UHRF1: variants seen among roughly 807,000 people sequenced by gnomAD.
The protein encoded by UHRF1 is ubiquitin like with PHD and ring finger domains 1, also known as E3 ubiquitin-protein ligase UHRF1.
UHRF1 carries 9 observed loss-of-function variants against 96.5 expected under a neutral mutation model. That is an observed-to-expected ratio of 0.09 (90% CI 0.06 to 0.16). UHRF1 has a LOEUF of 0.16. UHRF1 is among the 10% of genes least tolerant of loss of function. UHRF1 has a pLI of 1.00. For missense variants in UHRF1, 626 were observed against 1,131.1 expected, an observed-to-expected ratio of 0.55 and a Z score of 6.40; for synonymous variants, 455 against 469.9, an observed-to-expected ratio of 0.97 and a Z score of 0.41.
At chr19:4,928,297 C>T (rs1194303357) in intron 2 of UHRF1, among the ~76,000 whole-genome samples, 1 of 151,470 alleles carries the variant, frequency 6.6e-6, no homozygotes, top group African/African-American at 2.4e-5. Context: ...GAACTTGTTG[C>T]CTTGGGGGCA....
At chr19:4,947,010 G>T in intron 10 of UHRF1, 95 bp from the exon 11 acceptor site, 1 of 947,084 alleles carries the variant, frequency 1.1e-6, no homozygotes. Flanking sequence ...CTGTTTCTTT[G>T]AAAGTAGCCA....
rs756412740 is a variant in UHRF1 at position 4,930,869 on chromosome 19, TACG to T, written c.567_569del (p.Asp190del). 1.9e-6 allele frequency: 3 copies of T among 1,613,856 alleles called. No individual in the cohort carries two copies. The highest frequency in any genetic ancestry group is 2.5e-6 in the Non-Finnish European group (3 of 1,179,842). On this transcript the variant is annotated inframe_deletion, in exon 4 of 17. Transcript: ENST00000650932. This position sits in a 1 kb window ranked among gnomAD's most constrained non-coding sequence, Gnocchi z 4.4. Reference sequence around the variant, plus strand: ...GGAGGACGTCATTTACCACGTGAAATACGACGAGTGAGTCATGGCAGGTGGGCG... The same window carrying T: ...GGAGGACGTCATTTACCACGTGAAATACGAGTGAGTCATGGCAGGTGGGCG...
Position 4,954,607 on chromosome 19 carries a change from T to A in UHRF1, c.1958-43T>A. On this transcript the variant is annotated intron_variant, in intron 14 of 16. Coordinates refer to ENST00000650932, the MANE Select transcript of UHRF1 (RefSeq NM_001048201.3). This position sits in a 1 kb window ranked among gnomAD's most constrained non-coding sequence, Gnocchi z 5.9. ...AGCCGGTGGCTGTCTCTCCGGCAGC[T>A]CGGGCCACGCGCCCCTCCCTCACGC... The A allele has an allele frequency of 8.1e-6, 13 of 1,601,924 alleles. No homozygotes were observed. The highest frequency in any genetic ancestry group is 1.1e-5 in the Non-Finnish European group (13 of 1,173,840).
At chr19:4,916,297 C>T (rs2032497916) in intron 2 of UHRF1, among the ~76,000 whole-genome samples, 1 of 145,438 alleles carries the variant, frequency 6.9e-6, no homozygotes, top group Non-Finnish European at 1.5e-5. Context: ...CAGAGCGAGA[C>T]TTTGTCTCAA....
intron 2 of UHRF1, among the ~76,000 whole-genome samples, chr19:4,918,352 C>G (rs1332496588): frequency 6.6e-6 from 1 of 151,758 alleles, no homozygotes; most frequent in Non-Finnish European, 1.5e-5. Flanking sequence ...AAACTCCTGA[C>G]CTCAGGTGAT....
intron 1 of UHRF1, chr19:4,909,894 G>A (rs1006405800): frequency 3.5e-5 from 13 of 374,054 alleles, no homozygotes; most frequent in African/African-American, 2.5e-4. Flanking sequence ...CGCCGGGTGG[G>A]GGAGGGCCTG....
chr19:4,949,442 T>C (rs180990610), intron 11 of UHRF1, among the ~76,000 whole-genome samples: 6 of 151,614 alleles, frequency 4.0e-5, no homozygotes, highest in Admixed American at 2.6e-4. Context: ...GTAATGTTTT[T>C]CATACCATTA....
chr19:4,929,794 G>A (rs1390366710), intron 3 of UHRF1, among the ~76,000 whole-genome samples: 1 of 152,034 alleles, frequency 6.6e-6, no homozygotes, highest in East Asian at 1.9e-4. Flanking sequence ...TGGGTTTCCA[G>A]CTTTTTTATT....
At chr19:4,917,652 C>CA (rs754990585) in intron 2 of UHRF1, among the ~76,000 whole-genome samples, 4,709 of 33,600 alleles carry the variant, frequency 0.14, 437 homozygotes, top group African/African-American at 0.18. Flanking sequence ...GACTCCGTCT[C>CA]AAAAAAAAAA....
At chr19:4,931,003 G>A (rs962275751) in intron 4 of UHRF1, 127 bp downstream of exon 4, 201 of 1,314,302 alleles carry the variant, frequency 1.5e-4, no homozygotes, top group Non-Finnish European at 1.9e-4. Context: ...CCCCATCCTC[G>A]AATTCCTAAC....
At chr19:4,910,761 TG>T (rs2032236016) in intron 1 of UHRF1, 114 bp from the exon 2 acceptor site, 19 of 1,312,654 alleles carry the variant, frequency 1.4e-5, no homozygotes, top group Non-Finnish European at 1.8e-5. Flanking sequence ...AAGGGCATCC[TG>T]GGAGTTTCCT....
intron 13 of UHRF1, among the ~76,000 whole-genome samples, chr19:4,952,945 A>G (rs1201681397): frequency 6.6e-6 from 1 of 152,116 alleles, no homozygotes; most frequent in Admixed American, 6.6e-5. Context: ...GCCTGCTCTC[A>G]GCGCTTGCAG....
At chr19:4,933,701 C>T (rs375972241) in intron 5 of UHRF1, among the ~76,000 whole-genome samples, 3 of 152,156 alleles carry the variant, frequency 2.0e-5, no homozygotes, top group Non-Finnish European at 1.5e-5. Flanking sequence ...TAAACATACA[C>T]GCCAAACCAC....
chr19:4,950,837 C>T lies in UHRF1; in HGVS notation c.1681-22C>T, dbSNP rs17880409. 579 of 1,613,976 alleles carry T rather than the reference C, an allele frequency of 3.6e-4. 8 individuals carry two copies. In the South Asian group the frequency reaches 5.6e-3, roughly 16 times the overall value. ...CCGGGGCTGCCTCTGATGGAGCTGACGCTGATGCCCGCTCTCTGCAGGTTG... is the reference window on the plus strand; with the variant it reads ...CCGGGGCTGCCTCTGATGGAGCTGATGCTGATGCCCGCTCTCTGCAGGTTG... On this transcript the variant is annotated intron_variant, in intron 12 of 16. Transcript: ENST00000650932.
intron 2 of UHRF1, among the ~76,000 whole-genome samples, chr19:4,920,402 A>G (rs12972366): frequency 0.28 from 42,762 of 151,898 alleles, 6,730 homozygotes; most frequent in African/African-American, 0.41. Flanking sequence ...ACTGCAGTTC[A>G]GCCTGGGTGA....
At chr19:4,951,066 G>A (rs2033705142) in intron 13 of UHRF1, 70 bp downstream of exon 13, 1 of 1,471,266 alleles carries the variant, frequency 6.8e-7, no homozygotes, top group Admixed American at 2.6e-5. Context: ...AGGAGTTCAA[G>A]ACCAGCCTGG....
chr19:4,920,803 C>T (rs979491803), intron 2 of UHRF1, among the ~76,000 whole-genome samples: 4 of 152,158 alleles, frequency 2.6e-5, no homozygotes, highest in Non-Finnish European at 5.9e-5. Flanking sequence ...GCATCTTCCC[C>T]AGTGGCTCAT....
chr19:4,941,085 G>GTTTTTTTTTTT (rs869250736), intron 5 of UHRF1, among the ~76,000 whole-genome samples: 2 of 50,080 alleles, frequency 4.0e-5, no homozygotes, highest in African/African-American at 9.4e-5. Flanking sequence ...TCTGTGTTTT[G>GTTTTTTTTTTT]TTTTTTTTTT....
intron 16 of UHRF1, among the ~76,000 whole-genome samples, chr19:4,957,560 G>A (rs2033891248): frequency 6.6e-6 from 1 of 152,074 alleles, no homozygotes; most frequent in Admixed American, 6.5e-5. Context: ...CACCCGCCTT[G>A]GCCTCCCAAA....
Sources: gnomAD v4.1 joint callset for allele counts (sites outside exome capture counted in the v4.1 genomes callset) on GRCh38, gnomAD v4.1.1 for gene constraint, Gnocchi (gnomAD v3.1) non-coding constraint, MANE v1.5 for transcripts, NCBI Gene and HGNC (gene_info 2026-07-23, HGNC 2026-07-21) for gene names.